PRTFDC1: variants seen among roughly 807,000 people sequenced by gnomAD.
PRTFDC1 encodes the protein phosphoribosyltransferase domain-containing protein 1.
Under a neutral mutation model 34.6 loss-of-function variants are expected in PRTFDC1, and 38 were observed. The ratio of observed to expected loss-of-function variants is 1.10; its 90% CI spans 0.85 to 1.44. The LOEUF is 1.44. Ranked by LOEUF, PRTFDC1 falls within the 40% of genes most tolerant of loss-of-function variation. The pLI, the probability that PRTFDC1 is intolerant of heterozygous loss-of-function variation, is 0.00. For synonymous variants in PRTFDC1, 93 were observed against 98.1 expected, an observed-to-expected ratio of 0.95 and a Z score of 0.31; for missense variants, 270 against 283.0, an observed-to-expected ratio of 0.95 and a Z score of 0.33.
Position 24,923,429 on chromosome 10 carries a change from C to T in PRTFDC1, c.339+13755G>A, listed in dbSNP as rs1848821043. On this transcript the variant is annotated intron_variant, in intron 3 of 8. Coordinates refer to ENST00000320152, the MANE Select transcript of PRTFDC1 (RefSeq NM_020200.7). Reference sequence around the variant, plus strand: ...CAGACACCTCATACAGGTGGGTGCCCTTCTGGAATGAAGCTTCCAGAGGAA... The same window carrying T: ...CAGACACCTCATACAGGTGGGTGCCTTTCTGGAATGAAGCTTCCAGAGGAA... Among the ~76,000 whole-genome samples, 2 of 152,176 alleles carry T rather than the reference C, an allele frequency of 1.3e-5. 1 individual carries two copies. The highest frequency in any genetic ancestry group is 4.1e-4 in the South Asian group (2 of 4,824).
At chr10:24,949,383 A>G (rs1270150875) in intron 1 of PRTFDC1, among the ~76,000 whole-genome samples, 4 of 152,054 alleles carry the variant, frequency 2.6e-5, no homozygotes, top group Middle Eastern at 3.4e-3. Flanking sequence ...ACTCCCAGCC[A>G]CCTGCCCCTT....
chr10:24,853,549 A>G (rs1183252892), intron 7 of PRTFDC1, among the ~76,000 whole-genome samples: 2 of 152,138 alleles, frequency 1.3e-5, no homozygotes, highest in Non-Finnish European at 2.9e-5. Context: ...CAGAAGTTGC[A>G]GTGAGCCAAG....
chr10:24,925,707 C>T (rs1192815536), intron 3 of PRTFDC1, among the ~76,000 whole-genome samples: 1 of 152,178 alleles, frequency 6.6e-6, no homozygotes, highest in African/African-American at 2.4e-5. Flanking sequence ...CATACACTTT[C>T]TTGTGGGTCT....
chr10:24,880,992 C>T (rs1454245939), intron 3 of PRTFDC1, among the ~76,000 whole-genome samples: 1 of 143,856 alleles, frequency 7.0e-6, no homozygotes, highest in Non-Finnish European at 1.5e-5. Flanking sequence ...CTTCCTCCCT[C>T]CCTCCTTCCT....
intron 4 of PRTFDC1, among the ~76,000 whole-genome samples, chr10:24,870,928 C>T (rs925956677): frequency 4.6e-5 from 7 of 151,756 alleles, no homozygotes; most frequent in African/African-American, 1.5e-4. Flanking sequence ...AAAAATTACC[C>T]GGGCATGGTG....
intron 4 of PRTFDC1, among the ~76,000 whole-genome samples, chr10:24,860,833 G>A (rs962228663): frequency 2.0e-5 from 3 of 152,148 alleles, no homozygotes; most frequent in African/African-American, 4.8e-5. Flanking sequence ...TGCATTTTTA[G>A]TTTGATTGAC....
At position 24,949,152 on chromosome 10, in the gene PRTFDC1, C is replaced by T. The variant is rs530060102; in HGVS notation, c.48+3376G>A. On this transcript the variant is annotated intron_variant, in intron 1 of 8. Coordinates refer to ENST00000320152, the MANE Select transcript of PRTFDC1 (RefSeq NM_020200.7). ...ACACCCAGGCTGGAATGCAGTGGCA[C>T]GATCATGGCTCACTGCAGCCTTGAC... Among the ~76,000 whole-genome samples, 39 of 152,244 alleles carry T rather than the reference C, an allele frequency of 2.6e-4. No individual in the cohort carries two copies. In the South Asian group the frequency reaches 7.7e-3, roughly 30 times the overall value.
chr10:24,937,359 C>G lies in PRTFDC1; in HGVS notation c.164G>C (p.Arg55Pro). ...PHGIIVDRIE[R>P]LAKDIMKDIG... ...GTCTTTCATAATATCCTTGGCCAGC[C>G]GCTCAATTCTGAAAGAAGGATAAAA... Residue 55 changes from arginine (R) to proline (P), a missense_variant, in exon 3 of 9, where the codon CGG becomes CCG. Physicochemically the swap from Arg to Pro is moderately radical, Grantham distance 103 (BLOSUM62 -2). Transcript: ENST00000320152. 6.2e-7 allele frequency: 1 copy of G among 1,605,520 alleles called. No homozygotes were observed. The highest frequency in any genetic ancestry group is 8.5e-7 in the Non-Finnish European group (1 of 1,177,416).
chr10:24,945,543 C>A (rs559324401), intron 1 of PRTFDC1, among the ~76,000 whole-genome samples: 2 of 152,322 alleles, frequency 1.3e-5, no homozygotes, highest in Non-Finnish European at 2.9e-5. Flanking sequence ...CAGCCTCGAA[C>A]TTTTAGGCTC....
intron 3 of PRTFDC1, among the ~76,000 whole-genome samples, chr10:24,873,908 CTT>C (rs77144373): frequency 6.4e-5 from 9 of 139,964 alleles, no homozygotes; most frequent in Admixed American, 2.9e-4. Flanking sequence ...AATTTTTTAC[CTT>C]TTTTTTTTTT....
chr10:24,917,910 T>C (rs1053863219), intron 3 of PRTFDC1, among the ~76,000 whole-genome samples: 9 of 152,236 alleles, frequency 5.9e-5, no homozygotes, highest in Non-Finnish European at 1.3e-4. Flanking sequence ...CAGAATCTCA[T>C]ATAAAAAGTT....
At chr10:24,937,539 T>C (rs1849073553) in intron 2 of PRTFDC1, among the ~76,000 whole-genome samples, 172 bp from the exon 3 acceptor site, 1 of 149,426 alleles carries the variant, frequency 6.7e-6, no homozygotes, top group Non-Finnish European at 1.5e-5. Flanking sequence ...GAACATAAGG[T>C]GTTCAAAACA....
intron 3 of PRTFDC1, among the ~76,000 whole-genome samples, chr10:24,909,056 AGATT>A (rs1372259545): frequency 1.3e-5 from 2 of 152,134 alleles, no homozygotes; most frequent in South Asian, 2.1e-4. Context: ...GCATTTTGGG[AGATT>A]GATTGAGGCC....
intron 7 of PRTFDC1, among the ~76,000 whole-genome samples, chr10:24,854,547 C>T (rs866462918): frequency 2.0e-4 from 31 of 152,138 alleles, no homozygotes; most frequent in Middle Eastern, 6.8e-3. Context: ...TTATAAAAAT[C>T]AAGCTGAAGT....
intron 1 of PRTFDC1, 35 bp from the exon 2 acceptor site, chr10:24,942,471 T>G (rs1350485655): frequency 1.3e-5 from 20 of 1,530,758 alleles, no homozygotes; most frequent in Non-Finnish European, 1.8e-5. Flanking sequence ...TGGTATTTTT[T>G]CATCAGAAAT....
chr10:24,851,680 A>T (rs549604326), intron 7 of PRTFDC1, among the ~76,000 whole-genome samples: 1 of 151,936 alleles, frequency 6.6e-6, no homozygotes, highest in Non-Finnish European at 1.5e-5. Context: ...AAGCCAACCT[A>T]CAATGAAGAA....
At chr10:24,853,494 G>C (rs1166780350) in intron 7 of PRTFDC1, among the ~76,000 whole-genome samples, 1 of 152,066 alleles carries the variant, frequency 6.6e-6, no homozygotes. Flanking sequence ...TGTAGTCCCA[G>C]CTACTTGGGA....
intron 3 of PRTFDC1, among the ~76,000 whole-genome samples, chr10:24,921,887 A>T (rs61854305): frequency 0.042 from 6,374 of 152,298 alleles, 185 homozygotes; most frequent in Non-Finnish European, 0.061. Context: ...TAATAATGGC[A>T]AACTCATGCA....
intron 3 of PRTFDC1, among the ~76,000 whole-genome samples, chr10:24,876,704 T>G (rs141942859): frequency 6.6e-6 from 1 of 151,526 alleles, no homozygotes; most frequent in African/African-American, 2.4e-5. Context: ...AAAAAAAAAA[T>G]TTATTATTAT....
Sources: allele counts gnomAD v4.1 joint callset (sites outside exome capture counted in the v4.1 genomes callset), GRCh38; gene constraint gnomAD v4.1.1; transcripts MANE v1.5; gene names NCBI Gene and HGNC (gene_info 2026-07-23, HGNC 2026-07-21).